Variants in DNAH8 observed in about 807,000 individuals in gnomAD.
The protein encoded by DNAH8 is dynein axonemal heavy chain 8.
DNAH8 carries 382 observed loss-of-function variants against 562.1 expected under a neutral mutation model. The ratio of observed to expected loss-of-function variants is 0.68; its 90% CI spans 0.63 to 0.74. The LOEUF (loss-of-function observed/expected upper bound fraction) is 0.74, where lower values mean the gene tolerates loss of function less well. DNAH8 is among the 30% of genes least tolerant of loss of function. The probability of loss-of-function intolerance (pLI) is 0.00; values close to 1 mark genes in which losing one functional copy is unlikely to be tolerated. For missense variants in DNAH8, 5,203 were observed against 5,620.4 expected, an observed-to-expected ratio of 0.93 and a Z score of 2.37; for synonymous variants, 1,881 against 1,919.4, an observed-to-expected ratio of 0.98 and a Z score of 0.52.
At chr6:38,761,584 C>T (rs560243698) in intron 10 of DNAH8, 118 bp from the exon 11 acceptor site, 1 of 541,254 alleles carries the variant, frequency 1.8e-6, no homozygotes, top group African/African-American at 2.0e-5. Context: ...GCATGAGCCA[C>T]TGCACTTGGC....
At chr6:38,998,195 C>T (rs908622538) in intron 88 of DNAH8, among the ~76,000 whole-genome samples, 1 of 152,208 alleles carries the variant, frequency 6.6e-6, no homozygotes, top group Non-Finnish European at 1.5e-5. Flanking sequence ...ACAAGTCTCT[C>T]TCCTCAGTCC....
chr6:38,885,497 T>G (rs992674071), intron 56 of DNAH8, among the ~76,000 whole-genome samples: 3 of 152,128 alleles, frequency 2.0e-5, no homozygotes, highest in African/African-American at 7.2e-5. Context: ...AAGAGTTAGA[T>G]CACGACACAC....
In DNAH8 at chr6:38,920,165, G is replaced by C. The variant is rs1781596744; in HGVS notation, c.10525-1204G>C. Among the ~76,000 whole-genome samples, 7 of 152,274 alleles carry C rather than the reference G, an allele frequency of 4.6e-5. No homozygotes were observed. In the South Asian group the frequency reaches 1.0e-3, roughly 23 times the overall value. Reference sequence around the variant, plus strand: ...GTTTCATTCTGGCCCCCAGGCTGGAGTGCAGTGGTGCAATCATAGCTTACT... The same window carrying C: ...GTTTCATTCTGGCCCCCAGGCTGGACTGCAGTGGTGCAATCATAGCTTACT... On this transcript the variant is annotated intron_variant, in intron 70 of 92. Coordinates refer to ENST00000327475, the MANE Select transcript of DNAH8 (RefSeq NM_001206927.2).
At chr6:38,779,473 C>T (rs1053481435) in intron 14 of DNAH8, among the ~76,000 whole-genome samples, 1 of 151,894 alleles carries the variant, frequency 6.6e-6, no homozygotes, top group South Asian at 2.1e-4. Flanking sequence ...TTTAGTATTT[C>T]CTGTGTGTCA....
chr6:38,890,597 A>G (rs144212278), intron 57 of DNAH8, 55 bp from the exon 58 acceptor site: 11 of 1,263,902 alleles, frequency 8.7e-6, no homozygotes, highest in South Asian at 1.2e-5. Flanking sequence ...TGGGATAAAC[A>G]TATACTTGGA....
At chr6:38,823,537 A>G in intron 27 of DNAH8, 25 bp from the exon 28 acceptor site, 2 of 1,557,736 alleles carry the variant, frequency 1.3e-6, no homozygotes, top group Non-Finnish European at 1.8e-6. Context: ...AAAAAATTAA[A>G]ATATTGACTA....
rs1032074595 is a variant in DNAH8, at chr6:38,770,461, A to G, written c.1666A>G (p.Arg556Gly). 18 of 1,607,158 alleles carry G rather than the reference A, an allele frequency of 1.1e-5. No homozygotes were observed. Among genetic ancestry groups the G allele is most frequent in the Non-Finnish European group, 1.4e-5 (17 of 1,175,908 alleles). Residue 556 changes from arginine (R) to glycine (G), a missense_variant, in exon 12 of 93, where the codon AGG (arginine) becomes GGG (glycine). Arg to Gly is a moderately radical substitution (Grantham distance 125, BLOSUM62 -2). Coordinates refer to ENST00000327475, the MANE Select transcript of DNAH8 (RefSeq NM_001206927.2). Reference protein sequence around the residue: ...KEYQASFHKTRKLISESSGEK... With the variant: ...KEYQASFHKTGKLISESSGEK... ...ATATCAGGCATCTTTTCATAAAACA[A>G]GGAAACTGATTTCAGAATCCTCAGG...
intron 7 of DNAH8, among the ~76,000 whole-genome samples, chr6:38,740,968 T>G (rs1290522761): frequency 6.6e-6 from 1 of 152,202 alleles, no homozygotes; most frequent in Non-Finnish European, 1.5e-5. Context: ...ATTATGCCAT[T>G]TTTGGTTTTT....
Position 38,755,924 on chromosome 6 carries a change from A to G in DNAH8, c.1408-48A>G, listed in dbSNP as rs113179386. On this transcript the variant is annotated intron_variant, in intron 9 of 92. Coordinates refer to ENST00000327475, the MANE Select transcript of DNAH8 (RefSeq NM_001206927.2). ...TGAGTATTATAGAATATTGGTTATTAAAACTATATGCATATGATGGAATTC... is the reference window on the plus strand; with the variant it reads ...TGAGTATTATAGAATATTGGTTATTGAAACTATATGCATATGATGGAATTC... 267 of 1,044,082 alleles carry G rather than the reference A, an allele frequency of 2.6e-4. 1 individual carries two copies. The African/African-American group carries it at 3.2e-3, about 13-fold the overall frequency. The allele number at this position is 1,044,082 out of a possible 1,614,324, so 64.7% of individuals were successfully genotyped here.
intron 57 of DNAH8, among the ~76,000 whole-genome samples, chr6:38,889,570 G>A (rs553455839): frequency 2.0e-5 from 3 of 152,234 alleles, no homozygotes; most frequent in South Asian, 4.2e-4. Context: ...AAACAAATAC[G>A]GAAAACAAAC....
chr6:38,898,469 A>G lies in DNAH8; in HGVS notation c.9063+89A>G. ...ATAAATTTTTTGAGAGAATAACTAT[A>G]TACTATCAGGTACCGTATAGAAGAC... On this transcript the variant is annotated intron_variant, in intron 61 of 92. Transcript: ENST00000327475. 1.7e-5 allele frequency: 19 copies of G among 1,151,368 alleles called. No individual in the cohort carries two copies. In the South Asian group the frequency reaches 2.2e-4, roughly 14 times the overall value. The allele number at this position is 1,151,368 out of a possible 1,614,324, so 71.3% of individuals were successfully genotyped here.
At chr6:38,828,102 G>T (rs575051623) in intron 29 of DNAH8, 82 bp from the exon 30 acceptor site, 393 of 845,302 alleles carry the variant, frequency 4.6e-4, no homozygotes, top group Non-Finnish European at 6.3e-4. Context: ...TAAGACATAG[G>T]AATGTGTTTC....
intron 10 of DNAH8, among the ~76,000 whole-genome samples, chr6:38,760,183 GT>G (rs1451203254): frequency 1.3e-5 from 2 of 152,098 alleles, no homozygotes; most frequent in Non-Finnish European, 2.9e-5. Flanking sequence ...TTTCAGAGAG[GT>G]TTCAGGGTGG....
intron 34 of DNAH8, 23 bp downstream of exon 34, chr6:38,842,528 A>G (rs1208170102): frequency 1.9e-6 from 3 of 1,608,662 alleles, no homozygotes; most frequent in Middle Eastern, 1.8e-4. Flanking sequence ...GGAATTTTTT[A>G]TAATGCCTGT....
chr6:38,895,973 T>C, intron 59 of DNAH8, 60 bp from the exon 60 acceptor site: 2 of 1,427,766 alleles, frequency 1.4e-6, no homozygotes, highest in South Asian at 1.3e-5. Flanking sequence ...CGAAGGGACA[T>C]GTTCAGTTAG....
At chr6:38,868,015 T>G in intron 47 of DNAH8, 47 bp from the exon 48 acceptor site, 8 of 1,582,476 alleles carry the variant, frequency 5.1e-6, no homozygotes, top group Non-Finnish European at 6.9e-6. Flanking sequence ...GAGTCTATGT[T>G]TAGTTTTTCA....
intron 77 of DNAH8, 24 bp from the exon 78 acceptor site, chr6:38,937,950 C>T (rs375922388): frequency 1.3e-4 from 203 of 1,609,984 alleles, no homozygotes; most frequent in African/African-American, 2.7e-4. Flanking sequence ...TTGTGTACTA[C>T]GGTTTTCCTG....
At chr6:38,853,474 C>T (rs2150393110) in intron 41 of DNAH8, 127 bp downstream of exon 41, 1 of 1,030,338 alleles carries the variant, frequency 9.7e-7, no homozygotes. Flanking sequence ...GTGGCCTACT[C>T]ACACTCATTT....
intron 89 of DNAH8, among the ~76,000 whole-genome samples, chr6:39,009,999 A>G (rs1766079378): frequency 6.6e-6 from 1 of 152,206 alleles, no homozygotes; most frequent in South Asian, 2.1e-4. Context: ...GGCATGTGAA[A>G]GTGAGATAAA....
Sources: gnomAD v4.1 joint callset for allele counts (sites outside exome capture counted in the v4.1 genomes callset) on GRCh38, gnomAD v4.1.1 for gene constraint, MANE v1.5 for transcripts, NCBI Gene and HGNC (gene_info 2026-07-23, HGNC 2026-07-21) for gene names.